Variants in ZNF804A observed in about 807,000 individuals in gnomAD.
ZNF804A encodes the protein zinc finger protein 804A.
A neutral mutation model predicts 16.5 loss-of-function variants in ZNF804A; 2 were observed. The ratio of observed to expected loss-of-function variants is 0.12; its 90% CI spans 0.05 to 0.38. The LOEUF (loss-of-function observed/expected upper bound fraction) is 0.38, where lower values mean the gene tolerates loss of function less well. Among genes scored for constraint, ZNF804A ranks in the 10% least tolerant of loss-of-function variants. The pLI, the probability that ZNF804A is intolerant of heterozygous loss-of-function variation, is 0.99. For synonymous variants in ZNF804A, 534 were observed against 489.6 expected (o/e 1.09, Z -1.20); for missense variants, 1,473 against 1,390.7 (o/e 1.06, Z -0.94).
At chr2:184,871,749 T>G (rs1192651619) in intron 2 of ZNF804A, among the ~76,000 whole-genome samples, 3 of 151,910 alleles carry the variant, frequency 2.0e-5, no homozygotes, top group Non-Finnish European at 4.4e-5. Flanking sequence ...ATTAAATAGT[T>G]TAAGAAAATA....
intron 1 of ZNF804A, among the ~76,000 whole-genome samples, chr2:184,685,379 T>C (rs1360951882): frequency 1.3e-5 from 2 of 151,990 alleles, no homozygotes; most frequent in African/African-American, 4.8e-5. Flanking sequence ...GCAGCTCTTC[T>C]CTCCTTCTTG....
At chr2:184,785,548 T>C (rs1694434193) in intron 1 of ZNF804A, among the ~76,000 whole-genome samples, 2 of 152,058 alleles carry the variant, frequency 1.3e-5, no homozygotes, top group South Asian at 4.1e-4. Flanking sequence ...TTACTTTAAG[T>C]TCTATGTTAA....
chr2:184,933,789 A>G (rs1238014217), intron 3 of ZNF804A, 56 bp downstream of exon 3: 1 of 1,536,858 alleles, frequency 6.5e-7, no homozygotes, highest in Non-Finnish European at 8.8e-7. Context: ...AAAGGGGTAT[A>G]GGGGGAGTCA....
At chr2:184,871,519 T>C (rs1695976363) in intron 2 of ZNF804A, among the ~76,000 whole-genome samples, 1 of 151,056 alleles carries the variant, frequency 6.6e-6, no homozygotes, top group South Asian at 2.1e-4. Flanking sequence ...CATATATATA[T>C]ATACCAAGAG....
intron 1 of ZNF804A, among the ~76,000 whole-genome samples, chr2:184,681,364 C>A (rs550352389): frequency 6.6e-6 from 1 of 152,098 alleles, no homozygotes; most frequent in Non-Finnish European, 1.5e-5. Context: ...AAAAAGACAG[C>A]CCCAATGATG....
At position 184,829,883 on chromosome 2, in the gene ZNF804A, A is replaced by G. The variant is rs1164248898; in HGVS notation, c.112-36486A>G. Among the ~76,000 whole-genome samples, 3 of 143,180 alleles carry G rather than the reference A, an allele frequency of 2.1e-5. No individual in the cohort carries two copies. The East Asian group carries it at 6.0e-4, about 28-fold the overall frequency. The allele number at this position is 143,180 out of a possible 152,430, so 93.9% of individuals were successfully genotyped here. A position where few individuals can be genotyped will look rare whatever the true frequency, so the allele number is the denominator to read the frequency against. The stretch of plus-strand genomic sequence containing the variant: ...TCGAGATCAACCAGGGCAACATGTC[A>G]AAACCCTGTCTCTACCAAAAAAAAA... On this transcript the variant is annotated intron_variant, in intron 1 of 3. Transcript: ENST00000302277.
chr2:184,660,832 A>G (rs931181204), intron 1 of ZNF804A, among the ~76,000 whole-genome samples: 1 of 152,264 alleles, frequency 6.6e-6, no homozygotes, highest in Non-Finnish European at 1.5e-5. Context: ...CGTTGCACCT[A>G]GTGAGTTCTC....
intron 1 of ZNF804A, 92 bp from the exon 2 acceptor site, chr2:184,866,271 TTCTAAC>T: frequency 9.0e-7 from 1 of 1,116,924 alleles, no homozygotes; most frequent in African/African-American, 1.6e-5. Context: ...TGTATTCTGT[TTCTAAC>T]TCTAATTATT....
chr2:184,729,141 T>C (rs1320236379), intron 1 of ZNF804A, among the ~76,000 whole-genome samples: 1 of 151,812 alleles, frequency 6.6e-6, no homozygotes, highest in Non-Finnish European at 1.5e-5. Context: ...GAACAATATA[T>C]TGTATATACT....
intron 1 of ZNF804A, among the ~76,000 whole-genome samples, chr2:184,625,637 T>C (rs1421731550): frequency 6.6e-6 from 1 of 152,168 alleles, no homozygotes; most frequent in Admixed American, 6.5e-5. Context: ...GAGGCTATTT[T>C]ACCTTTTATA....
At chr2:184,931,011 T>C (rs1685689692) in intron 2 of ZNF804A, among the ~76,000 whole-genome samples, 2 of 152,188 alleles carry the variant, frequency 1.3e-5, no homozygotes, top group Non-Finnish European at 2.9e-5. Flanking sequence ...TCATGTCTTA[T>C]GTGGTAGCAG....
Position 184,766,703 on chromosome 2 carries a change from C to T in ZNF804A, c.112-99666C>T, listed in dbSNP as rs144655497. On this transcript the variant is annotated intron_variant, in intron 1 of 3. Coordinates refer to ENST00000302277, the MANE Select transcript of ZNF804A (RefSeq NM_194250.2). ...TGGGTGTATCCAAAATGATTGAAAG[C>T]GAAAGTGTCTCAAAGAGATATTTAT... Among the ~76,000 whole-genome samples, 245 of 151,318 alleles carry T rather than the reference C, an allele frequency of 1.6e-3. 1 individual carries two copies. The highest frequency in any genetic ancestry group is 3.5e-3 in the Middle Eastern group (1 of 286).
chr2:184,766,386 A>AT (rs1190079016), intron 1 of ZNF804A, among the ~76,000 whole-genome samples: 2 of 152,122 alleles, frequency 1.3e-5, no homozygotes, highest in South Asian at 2.1e-4. Context: ...CTAAGCACAG[A>AT]TAAACAATCA....
chr2:184,750,834 C>G (rs1316184368), intron 1 of ZNF804A, among the ~76,000 whole-genome samples: 1 of 151,264 alleles, frequency 6.6e-6, no homozygotes, highest in African/African-American at 2.4e-5. Context: ...TGTACCACCT[C>G]TCCTGCTCCC....
At chr2:184,856,929 T>G (rs2105806819) in intron 1 of ZNF804A, among the ~76,000 whole-genome samples, 1 of 152,254 alleles carries the variant, frequency 6.6e-6, no homozygotes, top group East Asian at 1.9e-4. Flanking sequence ...TGATTCAGTC[T>G]TGGTAGATTA....
At chr2:184,672,283 A>G (rs1692349694) in intron 1 of ZNF804A, among the ~76,000 whole-genome samples, 1 of 152,196 alleles carries the variant, frequency 6.6e-6, no homozygotes, top group Admixed American at 6.5e-5. Flanking sequence ...ATAAAGAAAA[A>G]TGAGAAACTG....
At chr2:184,760,498 A>T (rs1033655816) in intron 1 of ZNF804A, among the ~76,000 whole-genome samples, 12 of 152,130 alleles carry the variant, frequency 7.9e-5, no homozygotes, top group Admixed American at 5.9e-4. Flanking sequence ...TTAGAAAGGC[A>T]TTATGTATGT....
chr2:184,928,318 T>C (rs552520248), intron 2 of ZNF804A, among the ~76,000 whole-genome samples: 1 of 152,248 alleles, frequency 6.6e-6, no homozygotes, highest in Admixed American at 6.5e-5. Flanking sequence ...TTCTGACTGG[T>C]ACTCTTTCCT....
intron 1 of ZNF804A, among the ~76,000 whole-genome samples, chr2:184,835,008 A>G (rs149830046): frequency 4.6e-4 from 70 of 152,324 alleles, no homozygotes; most frequent in African/African-American, 1.6e-3. Flanking sequence ...TCAACTGACT[A>G]CCTACTATTT....
Sources: gnomAD v4.1 joint callset for allele counts (sites outside exome capture counted in the v4.1 genomes callset) on GRCh38, gnomAD v4.1.1 for gene constraint, MANE v1.5 for transcripts, NCBI Gene and HGNC (gene_info 2026-07-23, HGNC 2026-07-21) for gene names.